Variants in DMRT1 observed in about 807,000 individuals in gnomAD.
DMRT1 encodes the protein doublesex- and mab-3-related transcription factor 1.
In DMRT1, 7 loss-of-function variants were observed where a neutral mutation model predicts 32.3. That is an observed-to-expected ratio of 0.22 (90% CI 0.12 to 0.41). DMRT1 has a LOEUF of 0.41. DMRT1 is among the 10% of genes least tolerant of loss of function. The pLI, the probability that DMRT1 is intolerant of heterozygous loss-of-function variation, is 1.00. For synonymous variants in DMRT1, 278 were observed against 206.1 expected, an observed-to-expected ratio of 1.35 and a Z score of -2.99; for missense variants, 625 against 500.5, an observed-to-expected ratio of 1.25 and a Z score of -2.37.
intron 4 of DMRT1, among the ~76,000 whole-genome samples, chr9:960,226 C>G (rs1819727760): frequency 6.6e-6 from 1 of 152,188 alleles, no homozygotes; most frequent in Non-Finnish European, 1.5e-5. Context: ...GCTTGGAATT[C>G]ATTTTAACTT....
chr9:926,080 T>A (rs1818514085), intron 4 of DMRT1, among the ~76,000 whole-genome samples: 1 of 152,224 alleles, frequency 6.6e-6, no homozygotes, highest in Non-Finnish European at 1.5e-5. Flanking sequence ...GATGCAGAAA[T>A]GCCCCCATCT....
rs146771839 is a variant in DMRT1 at position 902,345 on chromosome 9, TC to T, written c.822+8151del. The stretch of plus-strand genomic sequence containing the variant: ...CCTACACCCCCTCCTCCTCCACCTT[TC>T]TTTTTTAAGACTGCTGCAGTACTCA... On this transcript the variant is annotated intron_variant, in intron 3 of 4. Coordinates refer to ENST00000382276, the MANE Select transcript of DMRT1 (RefSeq NM_021951.3). Among the ~76,000 whole-genome samples the T allele has an allele frequency of 2.0e-3, 304 of 151,198 alleles. 1 individual carries two copies. The highest frequency in any genetic ancestry group is 4.9e-3 in the Admixed American group (74 of 15,140).
intron 3 of DMRT1, chr9:894,524 C>T (rs944328099): frequency 8.0e-6 from 3 of 375,828 alleles, no homozygotes; most frequent in African/African-American, 6.3e-5. Flanking sequence ...CATAAATAAC[C>T]AGTTGGGCAC....
At chr9:939,654 T>C (rs1257601155) in intron 4 of DMRT1, among the ~76,000 whole-genome samples, 1 of 152,242 alleles carries the variant, frequency 6.6e-6, no homozygotes, top group Non-Finnish European at 1.5e-5. Flanking sequence ...TTTTAGAGCA[T>C]CATACAAAGT....
chr9:854,161 G>A (rs114100128), intron 2 of DMRT1, among the ~76,000 whole-genome samples: 1 of 151,444 alleles, frequency 6.6e-6, no homozygotes, highest in Non-Finnish European at 1.5e-5. Flanking sequence ...CTGTTGCCCA[G>A]GTTGGAATGC....
Position 841,729 on chromosome 9 carries a change from G to C in DMRT1, c.-110G>C. On this transcript the variant is annotated 5_prime_UTR_variant, in exon 1 of 5. Coordinates refer to ENST00000382276, the MANE Select transcript of DMRT1 (RefSeq NM_021951.3). Reference sequence around the variant, plus strand: ...CTGCGCCTCCGGCTGCAGCGCACACGTCTCCTGCGCCTCCTCCTCCGGAGC... The same window carrying C: ...CTGCGCCTCCGGCTGCAGCGCACACCTCTCCTGCGCCTCCTCCTCCGGAGC... The C allele has an allele frequency of 1.3e-6, 2 of 1,544,808 alleles. No homozygotes were observed. The highest frequency in any genetic ancestry group is 8.7e-7 in the Non-Finnish European group (1 of 1,146,314).
intron 2 of DMRT1, among the ~76,000 whole-genome samples, chr9:885,508 G>C (rs1319225495): frequency 1.3e-5 from 2 of 152,156 alleles, no homozygotes; most frequent in Non-Finnish European, 2.9e-5. Flanking sequence ...TGTTCTGCTG[G>C]TCAAATGGCC....
At chr9:892,526 C>G (rs1817191690) in intron 2 of DMRT1, among the ~76,000 whole-genome samples, 1 of 152,134 alleles carries the variant, frequency 6.6e-6, no homozygotes, top group African/African-American at 2.4e-5. Flanking sequence ...GTTTCATCCC[C>G]CACATGTCCC....
rs1031915501 is a variant in DMRT1, at chr9:881,417, C to CT, written c.539-12494dup. Among the ~76,000 whole-genome samples the CT allele has an allele frequency of 1.4e-4, 21 of 152,114 alleles. 1 individual carries two copies. Among genetic ancestry groups the CT allele is most frequent in the African/African-American group, 5.1e-4 (21 of 41,422 alleles). ...ACTCCTTCACATCACTTTCTGGGGC[C>CT]TGCAGGGACAAAGACAAAACATCTA... On this transcript the variant is annotated intron_variant, in intron 2 of 4. Coordinates refer to ENST00000382276, the MANE Select transcript of DMRT1 (RefSeq NM_021951.3).
At chr9:861,050 C>CTTTTTTTTTTTTTTT (rs140608243) in intron 2 of DMRT1, among the ~76,000 whole-genome samples, 4 of 121,398 alleles carry the variant, frequency 3.3e-5, no homozygotes, top group Non-Finnish European at 7.0e-5. Context: ...AATTTACTTT[C>CTTTTTTTTTTTTTTT]TTTTTTTTTT....
intron 4 of DMRT1, among the ~76,000 whole-genome samples, chr9:934,582 T>C (rs1242737667): frequency 6.6e-6 from 1 of 152,194 alleles, no homozygotes; most frequent in East Asian, 1.9e-4. Flanking sequence ...GCCAAATCTG[T>C]GTCATATTGT....
chr9:930,767 C>G (rs952674038), intron 4 of DMRT1, among the ~76,000 whole-genome samples: 1 of 129,768 alleles, frequency 7.7e-6, no homozygotes, highest in Non-Finnish European at 1.5e-5. Context: ...TGGTCTCAAA[C>G]TCTGGGCCTC....
rs10977177 is a variant in DMRT1, at chr9:861,459, C to A, written c.538+14316C>A. Among the ~76,000 whole-genome samples the A allele has an allele frequency of 7.1e-3, 1,081 of 152,308 alleles. 4 individuals are homozygous for A. Among genetic ancestry groups the A allele is most frequent in the Non-Finnish European group, 0.01 (689 of 68,044 alleles). On this transcript the variant is annotated intron_variant, in intron 2 of 4. Coordinates refer to ENST00000382276, the MANE Select transcript of DMRT1 (RefSeq NM_021951.3). ...CAGAACAAAATGGAGTCTCCTATGT[C>A]TGCTTCTTTCTACACAGACACAATA...
intron 2 of DMRT1, among the ~76,000 whole-genome samples, chr9:884,378 A>AC (rs1326488354): frequency 1.3e-5 from 2 of 151,984 alleles, no homozygotes; most frequent in Non-Finnish European, 2.9e-5. Context: ...CAAAAAAAAA[A>AC]AAAAAGTAGC....
chr9:886,786 G>T (rs1816947892), intron 2 of DMRT1, among the ~76,000 whole-genome samples: 1 of 152,134 alleles, frequency 6.6e-6, no homozygotes, highest in African/African-American at 2.4e-5. Flanking sequence ...CACTTAGGCT[G>T]GCCTGCCATC....
At chr9:866,063 C>G (rs1381695274) in intron 2 of DMRT1, among the ~76,000 whole-genome samples, 2 of 145,108 alleles carry the variant, frequency 1.4e-5, no homozygotes, top group African/African-American at 2.5e-5. Context: ...GCTCAGGAGG[C>G]TGAGGCAGGA....
chr9:956,614 A>G (rs1819611714), intron 4 of DMRT1, among the ~76,000 whole-genome samples: 1 of 152,132 alleles, frequency 6.6e-6, no homozygotes, highest in African/African-American at 2.4e-5. Flanking sequence ...AAGGCCATAC[A>G]GACAATTTTT....
intron 4 of DMRT1, among the ~76,000 whole-genome samples, chr9:959,996 T>C (rs1819720182): frequency 6.6e-6 from 1 of 152,234 alleles, no homozygotes; most frequent in Non-Finnish European, 1.5e-5. Flanking sequence ...ACATGGACAA[T>C]GGATGGTAGA....
chr9:863,771 G>C (rs1284164026), intron 2 of DMRT1, among the ~76,000 whole-genome samples: 2 of 152,156 alleles, frequency 1.3e-5, no homozygotes, highest in Admixed American at 6.5e-5. Context: ...AATGCAACTG[G>C]TATAGTTTAT....
Sources: gnomAD v4.1 joint callset for allele counts (sites outside exome capture counted in the v4.1 genomes callset) on GRCh38, gnomAD v4.1.1 for gene constraint, MANE v1.5 for transcripts, NCBI Gene and HGNC (gene_info 2026-07-23, HGNC 2026-07-21) for gene names.